ATP8A1: variants seen among roughly 807,000 people sequenced by gnomAD.
ATP8A1 encodes ATPase phospholipid transporting 8A1, also known as phospholipid-transporting ATPase IA.
Under a neutral mutation model 177.7 loss-of-function variants are expected in ATP8A1, and 90 were observed. That is an observed-to-expected ratio of 0.51 (90% CI 0.43 to 0.60). The LOEUF is 0.60. Ranked by LOEUF, ATP8A1 falls within the 20% of genes least tolerant of loss-of-function variation. ATP8A1 has a pLI of 0.00. For synonymous variants in ATP8A1, 493 were observed against 485.9 expected, an observed-to-expected ratio of 1.01 and a Z score of -0.19; for missense variants, 1,072 against 1,392.8, an observed-to-expected ratio of 0.77 and a Z score of 3.67.
chr4:42,498,133 G>A (rs1322568168), intron 24 of ATP8A1, among the ~76,000 whole-genome samples: 1 of 152,170 alleles, frequency 6.6e-6, no homozygotes, highest in East Asian at 1.9e-4. Flanking sequence ...AAAATATATT[G>A]TATGAGACTC....
intron 20 of ATP8A1, among the ~76,000 whole-genome samples, chr4:42,541,201 T>G (rs1728352780): frequency 6.6e-6 from 1 of 152,074 alleles, no homozygotes. Context: ...ACAACCAATT[T>G]AATAATGGGC....
intron 20 of ATP8A1, among the ~76,000 whole-genome samples, chr4:42,533,262 C>G (rs1196428613): frequency 1.3e-5 from 2 of 152,140 alleles, no homozygotes; most frequent in East Asian, 3.8e-4. Flanking sequence ...AAGTTCTCAG[C>G]CCTGCTCACT....
chr4:42,474,336 T>C (rs960065569), intron 25 of ATP8A1, among the ~76,000 whole-genome samples: 1 of 152,172 alleles, frequency 6.6e-6, no homozygotes, highest in Admixed American at 6.5e-5. Context: ...CATGGCACCC[T>C]GTTTGAGCTG....
intron 16 of ATP8A1, among the ~76,000 whole-genome samples, chr4:42,554,155 A>C (rs1020826947): frequency 1.3e-5 from 2 of 152,190 alleles, no homozygotes; most frequent in East Asian, 3.9e-4. Flanking sequence ...CATGGGCAAC[A>C]ATAACTGGAG....
intron 1 of ATP8A1, 149 bp downstream of exon 1, chr4:42,656,676 G>T: frequency 1.1e-6 from 1 of 877,260 alleles, no homozygotes; most frequent in Non-Finnish European, 1.7e-6. Context: ...GGCAGCGCGG[G>T]GGGAAGGGTC....
intron 1 of ATP8A1, among the ~76,000 whole-genome samples, chr4:42,650,752 T>G (rs1292512996): frequency 6.6e-6 from 1 of 152,220 alleles, no homozygotes; most frequent in Non-Finnish European, 1.5e-5. Context: ...AACCACTGGA[T>G]AGGTATGTGA....
At chr4:42,560,285 A>C (rs1370187528) in intron 15 of ATP8A1, among the ~76,000 whole-genome samples, 2 of 152,154 alleles carry the variant, frequency 1.3e-5, no homozygotes, top group Non-Finnish European at 1.5e-5. Context: ...TGTCTTTGGC[A>C]GGGGAAATGG....
intron 1 of ATP8A1, among the ~76,000 whole-genome samples, chr4:42,646,266 G>GC (rs1008170434): frequency 2.6e-4 from 40 of 152,250 alleles, no homozygotes; most frequent in African/African-American, 8.9e-4. Context: ...AGCAAGGCAG[G>GC]CCCCCCCATC....
chr4:42,636,153 C>CAT (rs1739341233), intron 1 of ATP8A1, among the ~76,000 whole-genome samples: 1 of 42,830 alleles, frequency 2.3e-5, no homozygotes. Context: ...CACACACACA[C>CAT]ACACGCACAC....
At chr4:42,576,058 A>C (rs1732414287) in intron 12 of ATP8A1, among the ~76,000 whole-genome samples, 1 of 152,202 alleles carries the variant, frequency 6.6e-6, no homozygotes, top group South Asian at 2.1e-4. Flanking sequence ...GCAGGTATTT[A>C]GTAATGTGAG....
At chr4:42,538,766 G>A (rs1167486228) in intron 20 of ATP8A1, among the ~76,000 whole-genome samples, 2 of 152,160 alleles carry the variant, frequency 1.3e-5, no homozygotes, top group African/African-American at 4.8e-5. Context: ...AATAGATGTT[G>A]GTAGGGATGT....
intron 1 of ATP8A1, among the ~76,000 whole-genome samples, chr4:42,649,951 G>A (rs16854650): frequency 1.5e-3 from 233 of 152,254 alleles, no homozygotes; most frequent in African/African-American, 5.2e-3. Flanking sequence ...CTTACTACCC[G>A]GAGAATACAA....
chr4:42,656,906 G>C lies in ATP8A1; in HGVS notation c.-33C>G. ...GCGGCTGCAGGTGGGTCCTCAGCCC[G>C]GACTCTGCACCTGTCACGGCGTGGT... On this transcript the variant is annotated 5_prime_UTR_variant, in exon 1 of 37. Coordinates refer to ENST00000381668, the MANE Select transcript of ATP8A1 (RefSeq NM_006095.2). 1 of 1,555,746 alleles carries C rather than the reference G, an allele frequency of 6.4e-7. No individual in the cohort carries two copies. The highest frequency in any genetic ancestry group is 8.7e-7 in the Non-Finnish European group (1 of 1,149,632).
chr4:42,459,490 T>C (rs1243042814), intron 27 of ATP8A1: 1 of 340,432 alleles, frequency 2.9e-6, no homozygotes, highest in Non-Finnish European at 5.9e-6. Context: ...TAAATCTATG[T>C]AAATAAACTG....
intron 25 of ATP8A1, among the ~76,000 whole-genome samples, chr4:42,484,553 A>G (rs1239303668): frequency 6.6e-6 from 1 of 152,214 alleles, no homozygotes; most frequent in African/African-American, 2.4e-5. Context: ...ATAATACCAT[A>G]TACAAAATAT....
chr4:42,569,117 C>T (rs753841361), intron 15 of ATP8A1, 44 bp downstream of exon 15: 6 of 1,469,606 alleles, frequency 4.1e-6, no homozygotes, highest in Non-Finnish European at 5.5e-6. Context: ...AAAATGCAAA[C>T]CTTTTATAGG....
chr4:42,447,952 T>C (rs1474543954), intron 30 of ATP8A1, among the ~76,000 whole-genome samples: 7 of 152,184 alleles, frequency 4.6e-5, no homozygotes, highest in Admixed American at 2.6e-4. Flanking sequence ...AATCACTCAT[T>C]CTCATACTTC....
chr4:42,657,063 T>C lies in ATP8A1; in HGVS notation c.-190A>G, dbSNP rs890095812. On this transcript the variant is annotated 5_prime_UTR_variant, in exon 1 of 37. Transcript: ENST00000381668. Reference sequence around the variant, plus strand: ...GACAGGAGGAGGAGAAAGGCAGCGGTGGCGGCGAAGGTGGCGGCGCCCGCA... The same window carrying C: ...GACAGGAGGAGGAGAAAGGCAGCGGCGGCGGCGAAGGTGGCGGCGCCCGCA... The C allele has an allele frequency of 1.6e-5, 8 of 495,868 alleles. No individual in the cohort carries two copies. The highest frequency in any genetic ancestry group is 2.5e-5 in the Non-Finnish European group (8 of 317,880). The allele number at this position is 495,868 out of a possible 1,614,324, so 30.7% of individuals were successfully genotyped here.
intron 33 of ATP8A1, among the ~76,000 whole-genome samples, chr4:42,425,421 T>C (rs940627842): frequency 1.3e-5 from 2 of 152,088 alleles, no homozygotes; most frequent in African/African-American, 4.8e-5. Flanking sequence ...ACAACATGAA[T>C]TGAGGGGAAA....
Sources: gnomAD v4.1 joint callset for allele counts (sites outside exome capture counted in the v4.1 genomes callset) on GRCh38, gnomAD v4.1.1 for gene constraint, MANE v1.5 for transcripts, NCBI Gene and HGNC (gene_info 2026-07-23, HGNC 2026-07-21) for gene names.